Variants in ATRNL1 observed in about 807,000 individuals in gnomAD.
ATRNL1 encodes attractin-like protein 1.
Under a neutral mutation model 182.7 loss-of-function variants are expected in ATRNL1, and 95 were observed. The observed-to-expected ratio is 0.52, with a 90% CI of 0.44 to 0.62. The LOEUF (loss-of-function observed/expected upper bound fraction) is 0.62. Among genes scored for constraint, ATRNL1 ranks in the 20% least tolerant of loss-of-function variants. The probability of loss-of-function intolerance (pLI) is 0.00; values close to 1 mark genes in which losing one functional copy is unlikely to be tolerated. For missense variants in ATRNL1, 1,471 were observed against 1,679.5 expected (o/e 0.88, Z 2.17); for synonymous variants, 576 against 568.3 (o/e 1.01, Z -0.19).
At chr10:115,444,655 C>G (rs1314602399) in intron 21 of ATRNL1, among the ~76,000 whole-genome samples, 2 of 147,154 alleles carry the variant, frequency 1.4e-5, no homozygotes, top group African/African-American at 5.0e-5. Context: ...TTTTTTTTTT[C>G]AAAACTGATA....
chr10:115,194,505 C>T (rs1476765511), intron 8 of ATRNL1, among the ~76,000 whole-genome samples: 1 of 151,698 alleles, frequency 6.6e-6, no homozygotes, highest in Admixed American at 6.6e-5. Flanking sequence ...AGTATAGCTA[C>T]TCCTTCTTGC....
intron 18 of ATRNL1, among the ~76,000 whole-genome samples, chr10:115,317,546 TTA>T (rs1413694544): frequency 6.6e-6 from 1 of 152,212 alleles, no homozygotes; most frequent in East Asian, 1.9e-4. Context: ...TTCCAGTTGT[TTA>T]TGTCCTGTCT....
chr10:115,547,158 G>T (rs1226030713), intron 25 of ATRNL1, among the ~76,000 whole-genome samples: 1 of 151,768 alleles, frequency 6.6e-6, no homozygotes, highest in Non-Finnish European at 1.5e-5. Context: ...AGGAGGCTGA[G>T]GTGGGAGAAT....
At chr10:115,181,730 C>T (rs573475145) in intron 8 of ATRNL1, among the ~76,000 whole-genome samples, 3 of 151,704 alleles carry the variant, frequency 2.0e-5, no homozygotes, top group South Asian at 4.2e-4. Flanking sequence ...AAACTGTCAT[C>T]CTTTAGTTGT....
intron 19 of ATRNL1, among the ~76,000 whole-genome samples, chr10:115,358,325 T>C (rs952357456): frequency 1.3e-4 from 19 of 151,710 alleles, no homozygotes; most frequent in African/African-American, 4.1e-4. Context: ...GCAAATTATC[T>C]ATGAAGTACA....
At chr10:115,211,523 C>A (rs782301880) in intron 8 of ATRNL1, among the ~76,000 whole-genome samples, 24 of 151,514 alleles carry the variant, frequency 1.6e-4, no homozygotes, top group Non-Finnish European at 3.2e-4. Flanking sequence ...GCATGGATAT[C>A]TTTGGGTTTA....
chr10:115,299,737 A>G (rs1853380386), intron 15 of ATRNL1, among the ~76,000 whole-genome samples: 1 of 152,178 alleles, frequency 6.6e-6, no homozygotes, highest in South Asian at 2.1e-4. Context: ...ACCTTATCAG[A>G]TAGATAATTA....
intron 19 of ATRNL1, among the ~76,000 whole-genome samples, chr10:115,372,843 A>T (rs868960197): frequency 6.6e-6 from 1 of 152,170 alleles, no homozygotes; most frequent in Middle Eastern, 3.4e-3. Context: ...CATTATTGCT[A>T]TGGCTATATG....
chr10:115,213,677 T>G (rs558658657), intron 8 of ATRNL1, among the ~76,000 whole-genome samples: 122 of 152,278 alleles, frequency 8.0e-4, no homozygotes, highest in Non-Finnish European at 2.9e-5. Flanking sequence ...TATTAACTTT[T>G]AAACTTTTGA....
At chr10:115,188,423 A>G (rs1270442) in intron 8 of ATRNL1, among the ~76,000 whole-genome samples, 54,262 of 151,886 alleles carry the variant, frequency 0.36, 10,210 homozygotes, top group African/African-American at 0.47. Flanking sequence ...TATGTGGATG[A>G]TTTTACTAAC....
chr10:115,913,373 A>G lies in ATRNL1; in HGVS notation c.4019-31285A>G, dbSNP rs577539602. Among the ~76,000 whole-genome samples, 33 of 152,272 alleles carry G rather than the reference A, an allele frequency of 2.2e-4. 2 individuals carry two copies. In the South Asian group the frequency reaches 6.9e-3, roughly 32 times the overall value. On this transcript the variant is annotated intron_variant, in intron 28 of 28. Coordinates refer to ENST00000355044, the MANE Select transcript of ATRNL1 (RefSeq NM_207303.4). ...GACCCCTGCAGGGTAGCCCTATGTC[A>G]AAGGACTAGCTCTAGGGCCAGAAGA... is the stretch of plus-strand genomic sequence containing the variant.
chr10:115,719,273 A>G (rs1033902033), intron 26 of ATRNL1, among the ~76,000 whole-genome samples: 3 of 152,236 alleles, frequency 2.0e-5, no homozygotes, highest in South Asian at 2.1e-4. Context: ...GCATGAAGAC[A>G]TGTGCCACAT....
rs782041504 is a variant in ATRNL1, at chr10:115,160,178, A to T, written c.968A>T (p.Tyr323Phe). 1.2e-6 allele frequency: 2 copies of T among 1,612,608 alleles called. No individual in the cohort carries two copies. The highest frequency in any genetic ancestry group is 1.7e-6 in the Non-Finnish European group (2 of 1,179,046). Reference protein sequence around the residue: ...HGKFMWVIGGYTFNYSSFQMV... With the variant: ...HGKFMWVIGGFTFNYSSFQMV... ...AAATTTATGTGGGTGATTGGTGGAT[A>T]TACTTTTAACTACAGTTCTTTTCAA... The change falls in exon 6 of 29, where the codon TAT becomes TTT. Residue 323 changes from tyrosine to phenylalanine, a missense_variant. Tyr to Phe is a conservative substitution (Grantham distance 22). Transcript: ENST00000355044.
At chr10:115,816,538 A>G (rs1324986727) in intron 27 of ATRNL1, among the ~76,000 whole-genome samples, 1 of 152,096 alleles carries the variant, frequency 6.6e-6, no homozygotes, top group Non-Finnish European at 1.5e-5. Flanking sequence ...CATCAGGGAC[A>G]GACACATACA....
At chr10:115,706,697 T>G (rs1359587565) in intron 26 of ATRNL1, among the ~76,000 whole-genome samples, 3 of 151,954 alleles carry the variant, frequency 2.0e-5, no homozygotes, top group African/African-American at 4.8e-5. Context: ...TGTCATTATA[T>G]TTTTAGGCCT....
At chr10:115,398,690 C>T (rs1844408311) in intron 20 of ATRNL1, among the ~76,000 whole-genome samples, 1 of 151,854 alleles carries the variant, frequency 6.6e-6, no homozygotes, top group African/African-American at 2.4e-5. Flanking sequence ...ATTTAGATGC[C>T]TTTGTTTATT....
chr10:115,727,105 T>C (rs782330042), intron 26 of ATRNL1, 143 bp from the exon 27 acceptor site: 36 of 617,586 alleles, frequency 5.8e-5, no homozygotes, highest in Non-Finnish European at 9.7e-5. Flanking sequence ...GTAATTTTCA[T>C]CTTTAGTATT....
chr10:115,838,342 T>C (rs576415930), intron 27 of ATRNL1, among the ~76,000 whole-genome samples: 10 of 152,296 alleles, frequency 6.6e-5, no homozygotes, highest in African/African-American at 2.4e-4. Flanking sequence ...ATTGGTAATG[T>C]AGAAATTAGG....
intron 26 of ATRNL1, among the ~76,000 whole-genome samples, chr10:115,682,353 A>G (rs768797847): frequency 1.3e-5 from 2 of 152,162 alleles, no homozygotes; most frequent in African/African-American, 4.8e-5. Context: ...AGCCTGGCCA[A>G]CATGGTGAAC....
Sources: allele counts gnomAD v4.1 joint callset (sites outside exome capture counted in the v4.1 genomes callset), GRCh38; gene constraint gnomAD v4.1.1; transcripts MANE v1.5; gene names NCBI Gene and HGNC (gene_info 2026-07-23, HGNC 2026-07-21).